ADGRL3: variants seen among roughly 807,000 people sequenced by gnomAD.
ADGRL3 encodes the protein calcium-independent alpha-latrotoxin receptor 3.
Under a neutral mutation model 153.5 loss-of-function variants are expected in ADGRL3, and 62 were observed. The observed-to-expected ratio is 0.40, with a 90% CI of 0.33 to 0.50. ADGRL3 has a LOEUF of 0.50. Ranked by LOEUF, ADGRL3 falls within the 20% of genes least tolerant of loss-of-function variation. The probability of loss-of-function intolerance (pLI) is 0.47; values close to 1 mark genes in which losing one functional copy is unlikely to be tolerated. For synonymous variants in ADGRL3, 710 were observed against 672.5 expected, an observed-to-expected ratio of 1.06 and a Z score of -0.86; for missense variants, 1,641 against 1,859.4, an observed-to-expected ratio of 0.88 and a Z score of 2.16.
intron 15 of ADGRL3, among the ~76,000 whole-genome samples, chr4:61,936,394 A>C (rs1202195859): frequency 6.6e-6 from 1 of 152,078 alleles, no homozygotes; most frequent in Non-Finnish European, 1.5e-5. Flanking sequence ...TAAAATTTTT[A>C]ATGTAAATTT....
chr4:61,226,997 A>G (rs1456176796), intron 1 of ADGRL3, among the ~76,000 whole-genome samples: 1 of 149,668 alleles, frequency 6.7e-6, no homozygotes, highest in Non-Finnish European at 1.5e-5. Flanking sequence ...GTAATTTTTT[A>G]GTAATCTTTG....
At chr4:61,949,235 G>A (rs1236725133) in intron 17 of ADGRL3, among the ~76,000 whole-genome samples, 3 of 152,104 alleles carry the variant, frequency 2.0e-5, no homozygotes, top group Non-Finnish European at 2.9e-5. Flanking sequence ...CTCAGATCCC[G>A]TGTTGGGTTC....
At chr4:61,563,090 T>C (rs2098802180) in intron 4 of ADGRL3, among the ~76,000 whole-genome samples, 1 of 152,112 alleles carries the variant, frequency 6.6e-6, no homozygotes, top group African/African-American at 2.4e-5. Flanking sequence ...ACTAAAATCT[T>C]ATAAAATGTA....
At chr4:61,972,478 T>C (rs1454658709) in intron 17 of ADGRL3, among the ~76,000 whole-genome samples, 7 of 152,052 alleles carry the variant, frequency 4.6e-5, no homozygotes, top group South Asian at 2.1e-4. Flanking sequence ...AGATATGCGG[T>C]GTTATTTCTG....
At chr4:61,568,402 T>C (rs1451139046) in intron 4 of ADGRL3, among the ~76,000 whole-genome samples, 1 of 152,154 alleles carries the variant, frequency 6.6e-6, no homozygotes, top group Admixed American at 6.6e-5. Flanking sequence ...TGGATCCGAA[T>C]TTGTATTTTC....
chr4:61,760,369 C>A (rs949858343), intron 8 of ADGRL3, among the ~76,000 whole-genome samples: 11 of 149,498 alleles, frequency 7.4e-5, no homozygotes, highest in Admixed American at 3.3e-4. Context: ...GGGCGCCCCT[C>A]CCCCAGTCTC....
intron 3 of ADGRL3, among the ~76,000 whole-genome samples, chr4:61,503,595 A>C: frequency 6.6e-6 from 1 of 151,992 alleles, no homozygotes; most frequent in East Asian, 1.9e-4. Flanking sequence ...ATAAAAATAT[A>C]TTTTTTGAAA....
At chr4:61,692,290 T>G (rs1037082561) in intron 6 of ADGRL3, among the ~76,000 whole-genome samples, 6 of 151,420 alleles carry the variant, frequency 4.0e-5, no homozygotes, top group African/African-American at 1.5e-4. Context: ...AGTTGGCAAT[T>G]CTTTTCTACC....
At chr4:61,652,427 T>C (rs2094293887) in intron 5 of ADGRL3, among the ~76,000 whole-genome samples, 1 of 152,192 alleles carries the variant, frequency 6.6e-6, no homozygotes, top group African/African-American at 2.4e-5. Flanking sequence ...CAAGCAATGG[T>C]CATCATTATG....
intron 8 of ADGRL3, among the ~76,000 whole-genome samples, chr4:61,746,124 T>C (rs1287565684): frequency 6.6e-6 from 1 of 152,072 alleles, no homozygotes; most frequent in African/African-American, 2.4e-5. Flanking sequence ...CATTAAATAA[T>C]AGTAAAGAGA....
chr4:61,649,640 G>T (rs966488122), intron 5 of ADGRL3, among the ~76,000 whole-genome samples: 7 of 152,146 alleles, frequency 4.6e-5, no homozygotes, highest in African/African-American at 1.2e-4. Context: ...TTTAATAATT[G>T]GATGTCTTAT....
At chr4:62,000,556 T>G (rs912671647) in intron 21 of ADGRL3, among the ~76,000 whole-genome samples, 3 of 152,168 alleles carry the variant, frequency 2.0e-5, no homozygotes, top group African/African-American at 7.2e-5. Flanking sequence ...ATTTCAATTA[T>G]GTCTAAACTG....
chr4:61,715,044 C>T (rs534300162), intron 6 of ADGRL3, among the ~76,000 whole-genome samples: 2 of 152,260 alleles, frequency 1.3e-5, no homozygotes, highest in African/African-American at 2.4e-5. Context: ...CATAACCATT[C>T]AGAGATCTGA....
chr4:61,874,789 C>CT (rs11432355), intron 9 of ADGRL3, among the ~76,000 whole-genome samples: 5,290 of 61,398 alleles, frequency 0.086, 1,300 homozygotes, highest in Non-Finnish European at 0.1. Flanking sequence ...TCAAAATGCT[C>CT]TTTTTTTTTT....
intron 2 of ADGRL3, among the ~76,000 whole-genome samples, chr4:61,388,587 A>G (rs941074508): frequency 5.3e-5 from 8 of 152,160 alleles, no homozygotes; most frequent in African/African-American, 1.4e-4. Flanking sequence ...ACCACTTCTA[A>G]CACCTCTTAG....
intron 5 of ADGRL3, among the ~76,000 whole-genome samples, chr4:61,603,509 G>T (rs540578142): frequency 6.6e-6 from 1 of 152,254 alleles, no homozygotes; most frequent in African/African-American, 2.4e-5. Flanking sequence ...GCCACAAAGT[G>T]AAAATGGGAT....
At chr4:61,476,271 C>T (rs2152708662) in intron 2 of ADGRL3, among the ~76,000 whole-genome samples, 1 of 152,128 alleles carries the variant, frequency 6.6e-6, no homozygotes. Flanking sequence ...GTCGCCCAGG[C>T]TGGAGTGCAG....
intron 1 of ADGRL3, among the ~76,000 whole-genome samples, chr4:61,213,056 A>G (rs1740873185): frequency 6.6e-6 from 1 of 152,154 alleles, no homozygotes; most frequent in Non-Finnish European, 1.5e-5. Flanking sequence ...TAACAATGGT[A>G]TGTGTATGTG....
intron 6 of ADGRL3, among the ~76,000 whole-genome samples, chr4:61,704,807 C>T (rs1407094871): frequency 6.6e-6 from 1 of 152,212 alleles, no homozygotes; most frequent in Non-Finnish European, 1.5e-5. Context: ...ACAACATCTT[C>T]ACCAGTAGAT....
Sources: allele counts gnomAD v4.1 joint callset (sites outside exome capture counted in the v4.1 genomes callset), GRCh38; gene constraint gnomAD v4.1.1; transcripts MANE v1.5; gene names NCBI Gene and HGNC (gene_info 2026-07-23, HGNC 2026-07-21).